RAB13: variants seen among roughly 807,000 people sequenced by gnomAD.
The protein encoded by RAB13 is RAB13, member RAS oncogene family.
In RAB13, 15 loss-of-function variants were observed where a neutral mutation model predicts 29.3. The ratio of observed to expected loss-of-function variants is 0.51; its 90% CI spans 0.34 to 0.79. The LOEUF (loss-of-function observed/expected upper bound fraction) is 0.79. Among genes scored for constraint, RAB13 ranks in the 30% least tolerant of loss-of-function variants. The pLI is 0.01. For synonymous variants in RAB13, 82 were observed against 93.8 expected (o/e 0.87, Z 0.73); for missense variants, 186 against 255.5 (o/e 0.73, Z 1.85).
At chr1:153,982,686 C>G in intron 5 of RAB13, 33 bp downstream of exon 5, 1 of 1,613,532 alleles carries the variant, frequency 6.2e-7, no homozygotes, top group Non-Finnish European at 8.5e-7. Context: ...CCTCCCAGCC[C>G]AGTTCTAGAA....
At chr1:153,983,385 A>G in intron 3 of RAB13, 89 bp from the exon 4 acceptor site, 1 of 1,476,492 alleles carries the variant, frequency 6.8e-7, no homozygotes, top group Middle Eastern at 1.7e-4. Context: ...GGGTCTAAAC[A>G]CTAGGCCATG....
At chr1:153,984,177 CAAAAAAAAAA>C (rs751964337) in intron 2 of RAB13, among the ~76,000 whole-genome samples, 1 of 74,504 alleles carries the variant, frequency 1.3e-5, no homozygotes, top group Non-Finnish European at 2.7e-5. Context: ...AACTCTGTCT[CAAAAAAAAAA>C]AAAAAAAAAA....
intron 1 of RAB13, chr1:153,985,183 C>T: frequency 2.0e-6 from 2 of 995,986 alleles, no homozygotes; most frequent in Non-Finnish European, 2.4e-6. Context: ...CACCTACCCT[C>T]CTAGTAGAGA....
chr1:153,986,073 A>G, intron 1 of RAB13, 40 bp downstream of exon 1: 1 of 1,611,660 alleles, frequency 6.2e-7, no homozygotes, highest in East Asian at 2.2e-5. Context: ...GAAGGAGGTC[A>G]CAGGAGAGTC....
chr1:153,986,129 A>G lies in RAB13; in HGVS notation c.108T>C (p.Thr36=), dbSNP rs1278598694. The G allele has an allele frequency of 6.2e-7, 1 of 1,613,662 alleles. No individual in the cohort carries two copies. The highest frequency in any genetic ancestry group is 1.1e-5 in the South Asian group (1 of 90,992). ...CGGGCTCACCGATGGTGGAGATGTAAGTGTTGTTGAAGTTGTCCTCTGCAA... is the reference window on the plus strand; with the variant it reads ...CGGGCTCACCGATGGTGGAGATGTAGGTGTTGTTGAAGTTGTCCTCTGCAA... The part of the protein sequence containing the change: ...IRFAEDNFNN[T]YISTIGIDFK... The change falls in exon 1 of 8, where the codon ACT becomes ACC. Residue 36 remains threonine (T), a synonymous_variant. Transcript: ENST00000368575.
Position 153,983,462 on chromosome 1 carries a change from A to G in RAB13, c.246+59T>C, listed in dbSNP as rs1649061100. 6 of 1,542,450 alleles carry G rather than the reference A, an allele frequency of 3.9e-6. No individual in the cohort carries two copies. The Admixed American group carries it at 1.0e-4, about 26-fold the overall frequency. The stretch of plus-strand genomic sequence containing the variant: ...CCTGCCCCAACCCCTGACCCTTTGT[A>G]TTCATAATATATTCTGTAGCCTCAT... On this transcript the variant is annotated intron_variant, in intron 3 of 7. Coordinates refer to ENST00000368575, the MANE Select transcript of RAB13 (RefSeq NM_002870.5).
chr1:153,989,746 G>T (rs912727164), upstream of RAB13, among the ~76,000 whole-genome samples: 2 of 151,662 alleles, frequency 1.3e-5, no homozygotes, highest in African/African-American at 4.8e-5. Context: ...TACAAAATTA[G>T]CCGGGCATGG....
chr1:153,982,283 C>T lies in RAB13; in HGVS notation c.535-107G>A, dbSNP rs553304345. On this transcript the variant is annotated intron_variant, in intron 7 of 7. Coordinates refer to ENST00000368575, the MANE Select transcript of RAB13 (RefSeq NM_002870.5). Reference sequence around the variant, plus strand: ...CCTCATGAGAAATCTTAGCATTGCTCCCCGTTTTTATCAACACCAACACAC... The same window carrying T: ...CCTCATGAGAAATCTTAGCATTGCTTCCCGTTTTTATCAACACCAACACAC... 10 of 1,499,706 alleles carry T rather than the reference C, an allele frequency of 6.7e-6. No individual in the cohort carries two copies. The South Asian group carries it at 7.9e-5, about 12-fold the overall frequency. The allele number at this position is 1,499,706 out of a possible 1,614,324, so 92.9% of individuals were successfully genotyped here. A position where few individuals can be genotyped will look rare whatever the true frequency, so the allele number is the denominator to read the frequency against.
intron 1 of RAB13, chr1:153,985,380 T>G: frequency 2.0e-6 from 2 of 983,170 alleles, no homozygotes; most frequent in African/African-American, 3.5e-5. Context: ...CCAGAGGAGA[T>G]GAAGAAAGAA....
Position 153,986,156 on chromosome 1 carries a change from G to A in RAB13, c.81C>T (p.Arg27=). The change falls in exon 1 of 8, where the codon CGC becomes CGT. Residue 27 remains arginine, a synonymous_variant. Coordinates refer to ENST00000368575, the MANE Select transcript of RAB13 (RefSeq NM_002870.5). The part of the protein sequence containing the change: ...SGVGKTCLII[R]FAEDNFNNTY... ...TGTTGTTGAAGTTGTCCTCTGCAAAGCGAATGATCAGACAAGTCTTGCCCA... is the reference window on the plus strand; with the variant it reads ...TGTTGTTGAAGTTGTCCTCTGCAAAACGAATGATCAGACAAGTCTTGCCCA... The A allele has an allele frequency of 1.9e-6, 3 of 1,613,962 alleles. No homozygotes were observed. The highest frequency in any genetic ancestry group is 2.5e-6 in the Non-Finnish European group (3 of 1,179,956).
intron 2 of RAB13, among the ~76,000 whole-genome samples, chr1:153,983,809 G>A (rs1313675838): frequency 1.3e-5 from 2 of 152,166 alleles, no homozygotes; most frequent in African/African-American, 4.8e-5. Flanking sequence ...TATGTGTCAA[G>A]CACTGTGTAT....
At position 153,985,994 on chromosome 1, in the gene RAB13, G is replaced by A. The variant is rs1198277731; in HGVS notation, c.124+119C>T. The A allele has an allele frequency of 9.4e-6, 14 of 1,497,148 alleles. No individual in the cohort carries two copies. The Admixed American group carries it at 3.0e-4, about 32-fold the overall frequency. The allele number at this position is 1,497,148 out of a possible 1,614,324, so 92.7% of individuals were successfully genotyped here. A position where few individuals can be genotyped will look rare whatever the true frequency, so the allele number is the denominator to read the frequency against. On this transcript the variant is annotated intron_variant, in intron 1 of 7. Transcript: ENST00000368575. The stretch of plus-strand genomic sequence containing the variant: ...GGAAGGGTCAGAGCCAGGGGTTGAG[G>A]GACTAGAATTTAGGAGCCTTACTCT...
At chr1:153,984,852 C>G in intron 1 of RAB13, 71 bp from the exon 2 acceptor site, 26 of 1,542,014 alleles carry the variant, frequency 1.7e-5, no homozygotes, top group Non-Finnish European at 2.2e-5. Context: ...ATGGAAGGGA[C>G]AGGAACGGAG....
intron 1 of RAB13, 27 bp downstream of exon 1, chr1:153,986,086 G>A (rs1649158561): frequency 6.2e-7 from 1 of 1,612,340 alleles, no homozygotes; most frequent in African/African-American, 1.3e-5. Context: ...GGAGAGTCGG[G>A]GTCTGGGACA....
At chr1:153,987,626 A>G (rs1392856720), upstream of RAB13, among the ~76,000 whole-genome samples, 1 of 151,622 alleles carries the variant, frequency 6.6e-6, no homozygotes, top group Non-Finnish European at 1.5e-5. Flanking sequence ...GGAAAAAAAT[A>G]CGAAACACGA....
In RAB13 at chr1:153,982,811, G is replaced by C. The variant is rs1422291670; in HGVS notation, c.325-3C>G. The C allele has an allele frequency of 6.2e-7, 1 of 1,614,096 alleles. No individual in the cohort carries two copies. The highest frequency in any genetic ancestry group is 1.7e-5 in the Admixed American group (1 of 60,018). On this transcript the variant is annotated splice_region_variant and splice_polypyrimidine_tract_variant and intron_variant, in intron 4 of 7. Coordinates refer to ENST00000368575, the MANE Select transcript of RAB13 (RefSeq NM_002870.5). ...CGCTCCACCCCAGCCGAGGCATTCT[G>C]GGGGCAAAAGACAAGTAAAAGTTAG...
intron 1 of RAB13, 48 bp from the exon 2 acceptor site, chr1:153,984,829 G>T: frequency 6.4e-7 from 1 of 1,559,874 alleles, no homozygotes; most frequent in Non-Finnish European, 8.8e-7. Context: ...ATGCACACAT[G>T]TAAAACTGTG....
At chr1:153,987,528 A>AAAAAAAAAAAAG (rs570485139), upstream of RAB13, among the ~76,000 whole-genome samples, 48 of 127,516 alleles carry the variant, frequency 3.8e-4, no homozygotes, top group African/African-American at 8.1e-4. Context: ...AAAAAAAAAA[A>AAAAAAAAAAAAG]AAAGAAAGAA....
upstream of RAB13, among the ~76,000 whole-genome samples, chr1:153,989,239 AATTATTATT>A (rs535397163): frequency 8.1e-5 from 11 of 136,406 alleles, no homozygotes; most frequent in South Asian, 4.5e-4. Flanking sequence ...GCAAAGAAAA[AATTATTATT>A]ATTATTATTA....
Sources: allele counts gnomAD v4.1 joint callset (sites outside exome capture counted in the v4.1 genomes callset), GRCh38; gene constraint gnomAD v4.1.1; transcripts MANE v1.5; gene names NCBI Gene and HGNC (gene_info 2026-07-23, HGNC 2026-07-21).